ATP8B4: variants seen among roughly 807,000 people sequenced by gnomAD.
ATP8B4 encodes ATPase phospholipid transporting 8B4 (putative).
Under a neutral mutation model 145.6 loss-of-function variants are expected in ATP8B4, and 133 were observed. The observed-to-expected ratio is 0.91, with a 90% CI of 0.79 to 1.05. The LOEUF is 1.05. Ranked by LOEUF, ATP8B4 falls within the 50% of genes least tolerant of loss-of-function variation. ATP8B4 has a pLI of 0.00. For missense variants in ATP8B4, 1,458 were observed against 1,425.2 expected, an observed-to-expected ratio of 1.02 and a Z score of -0.37; for synonymous variants, 507 against 492.9, an observed-to-expected ratio of 1.03 and a Z score of -0.38.
intron 17 of ATP8B4, among the ~76,000 whole-genome samples, chr15:49,923,125 T>G (rs1262773286): frequency 6.6e-6 from 1 of 152,310 alleles, no homozygotes; most frequent in East Asian, 1.9e-4. Flanking sequence ...GACGCCCACA[T>G]TCTGTGGCTA....
At chr15:49,951,998 T>C (rs1397540458) in intron 14 of ATP8B4, among the ~76,000 whole-genome samples, 3 of 152,208 alleles carry the variant, frequency 2.0e-5, no homozygotes, top group Non-Finnish European at 4.4e-5. Context: ...AATTCTTTTC[T>C]TTAAGAATGT....
chr15:50,123,780 C>G (rs2057289372), upstream of ATP8B4, among the ~76,000 whole-genome samples: 1 of 152,128 alleles, frequency 6.6e-6, no homozygotes, highest in African/African-American at 2.4e-5. Context: ...GTTATGAGAC[C>G]TTTGAATTCT....
At position 50,116,701 on chromosome 15, in the gene ATP8B4, T is replaced by C. The variant is rs576612291; in HGVS notation, c.-43+2422A>G. Among the ~76,000 whole-genome samples the C allele has an allele frequency of 4.6e-5, 7 of 151,966 alleles. No homozygotes were observed. The South Asian group carries it at 1.5e-3, about 32-fold the overall frequency. On this transcript the variant is annotated intron_variant, in intron 1 of 27. Transcript: ENST00000284509. ...AAAAGAAAGGTCAGTGAAGGATCCA[T>C]TGAAATGAAATGCTGTGGCCCTCCC...
At chr15:50,077,833 C>T (rs550717586) in intron 2 of ATP8B4, among the ~76,000 whole-genome samples, 224 of 152,228 alleles carry the variant, frequency 1.5e-3, no homozygotes, top group Non-Finnish European at 2.7e-3. Context: ...GCAGCTATAG[C>T]CAACTTGGCC....
intron 2 of ATP8B4, among the ~76,000 whole-genome samples, chr15:50,104,292 C>T (rs2056546506): frequency 6.6e-6 from 1 of 152,002 alleles, no homozygotes; most frequent in Non-Finnish European, 1.5e-5. Flanking sequence ...CAATAGACAA[C>T]CCACAGTGTA....
rs1386889963 is a variant in ATP8B4 at position 50,153,675 on chromosome 15, A to C, written c.-43+28586T>G. Among the ~76,000 whole-genome samples, 3 of 152,234 alleles carry C rather than the reference A, an allele frequency of 2.0e-5. No homozygotes were observed. The East Asian group carries it at 5.8e-4, about 29-fold the overall frequency. ...AGGGGAGAAAGAGCTGAAGGCAATGATGCACGACCTACAAATCACGTGCAA... is the reference window on the plus strand; with the variant it reads ...AGGGGAGAAAGAGCTGAAGGCAATGCTGCACGACCTACAAATCACGTGCAA... On this transcript the variant is annotated intron_variant, in intron 1 of 3. Coordinates refer to the ATP8B4 transcript ENST00000558829.
intron 4 of ATP8B4, among the ~76,000 whole-genome samples, chr15:50,046,844 C>G (rs1431013996): frequency 6.6e-6 from 1 of 152,198 alleles, no homozygotes; most frequent in Non-Finnish European, 1.5e-5. Flanking sequence ...GCAAAGGTTA[C>G]TAAATACCAA....
At chr15:50,014,546 C>T (rs774594358) in intron 6 of ATP8B4, among the ~76,000 whole-genome samples, 6 of 152,050 alleles carry the variant, frequency 3.9e-5, no homozygotes, top group Non-Finnish European at 8.8e-5. Context: ...TGTACTGATC[C>T]CTTCATGTAT....
At chr15:50,050,757 A>T (rs189686097) in intron 3 of ATP8B4, among the ~76,000 whole-genome samples, 4 of 152,250 alleles carry the variant, frequency 2.6e-5, no homozygotes, top group Admixed American at 1.3e-4. Flanking sequence ...AAAACATATT[A>T]AATATGTTTT....
chr15:49,905,494 T>C (rs2038509949), intron 20 of ATP8B4, among the ~76,000 whole-genome samples: 1 of 152,210 alleles, frequency 6.6e-6, no homozygotes, highest in Admixed American at 6.5e-5. Flanking sequence ...GATGCCATTT[T>C]ACCCTCAGTC....
chr15:50,045,943 T>A (rs1205939478), intron 4 of ATP8B4, among the ~76,000 whole-genome samples: 3 of 152,238 alleles, frequency 2.0e-5, no homozygotes, highest in Non-Finnish European at 2.9e-5. Context: ...ATTTGGACTC[T>A]AAGCTTTCTT....
intron 15 of ATP8B4, 72 bp downstream of exon 15, chr15:49,933,945 C>T (rs1485131015): frequency 7.1e-7 from 1 of 1,414,008 alleles, no homozygotes; most frequent in Non-Finnish European, 9.3e-7. Flanking sequence ...GTAAATCCTT[C>T]AAATTTAGTG....
chr15:50,159,350 C>G (rs188866614), intron 1 of ATP8B4, among the ~76,000 whole-genome samples: 56 of 152,236 alleles, frequency 3.7e-4, no homozygotes, highest in Non-Finnish European at 2.9e-5. Flanking sequence ...ATTTTGTATC[C>G]TGAAACTTAA....
At chr15:49,960,434 A>G (rs892668739) in intron 14 of ATP8B4, among the ~76,000 whole-genome samples, 1 of 152,236 alleles carries the variant, frequency 6.6e-6, no homozygotes, top group African/African-American at 2.4e-5. Flanking sequence ...TATAAAAGTA[A>G]TATCCCAAAT....
intron 3 of ATP8B4, among the ~76,000 whole-genome samples, chr15:50,072,966 C>G (rs867905392): frequency 1.2e-4 from 4 of 33,600 alleles, no homozygotes; most frequent in Admixed American, 4.2e-4. Flanking sequence ...CTCTCTCTCT[C>G]TCTCTCTCTC....
chr15:49,906,206 A>G (rs2038606401), intron 20 of ATP8B4, among the ~76,000 whole-genome samples: 1 of 152,240 alleles, frequency 6.6e-6, no homozygotes, highest in African/African-American at 2.4e-5. Context: ...AAATCAATAG[A>G]GCAATAAATA....
chr15:49,903,383 C>T (rs1169604297), intron 20 of ATP8B4, among the ~76,000 whole-genome samples: 1 of 152,124 alleles, frequency 6.6e-6, no homozygotes, highest in African/African-American at 2.4e-5. Context: ...TTCCAAGCTG[C>T]GTAATGAAGG....
chr15:50,072,285 G>A (rs1243576012), intron 3 of ATP8B4, among the ~76,000 whole-genome samples: 1 of 152,082 alleles, frequency 6.6e-6, no homozygotes, highest in African/African-American at 2.4e-5. Flanking sequence ...TTCATTAAAT[G>A]TGCTGGTAAA....
chr15:49,888,154 G>A (rs939286882), intron 23 of ATP8B4, among the ~76,000 whole-genome samples: 2 of 152,146 alleles, frequency 1.3e-5, no homozygotes, highest in Admixed American at 6.5e-5. Flanking sequence ...AAACCCGCTC[G>A]CAGCATCCAG....
Sources: allele counts gnomAD v4.1 joint callset (sites outside exome capture counted in the v4.1 genomes callset), GRCh38; gene constraint gnomAD v4.1.1; transcripts MANE v1.5; gene names NCBI Gene and HGNC (gene_info 2026-07-23, HGNC 2026-07-21).